Variants in MGAT4D observed in about 807,000 individuals in gnomAD.
MGAT4D encodes the protein MGAT4 family member D.
A neutral mutation model predicts 15.9 loss-of-function variants in MGAT4D; 34 were observed. The observed-to-expected ratio is 2.14, with a 90% CI of 1.62 to 2.84. The LOEUF (loss-of-function observed/expected upper bound fraction) is 2.84, where lower values mean the gene tolerates loss of function less well. Among genes scored for constraint, MGAT4D ranks in the 30% most tolerant of loss-of-function variants. MGAT4D has a pLI of 0.00. For synonymous variants in MGAT4D, 112 were observed against 48.2 expected (o/e 2.33, Z -5.49); for missense variants, 327 against 140.2 (o/e 2.33, Z -6.73).
intron 1 of MGAT4D, among the ~76,000 whole-genome samples, chr4:140,493,359 G>A (rs190561304): frequency 9.5e-5 from 14 of 146,866 alleles, no homozygotes; most frequent in Admixed American, 1.4e-4. Flanking sequence ...GCAGTGGTGC[G>A]ATCTCGGCTT....
chr4:140,493,428 T>C (rs1399710679), intron 1 of MGAT4D, among the ~76,000 whole-genome samples: 1 of 151,818 alleles, frequency 6.6e-6, no homozygotes, highest in Non-Finnish European at 1.5e-5. Flanking sequence ...CCCCAGTAGC[T>C]GGGACTACAG....
intron 5 of MGAT4D, among the ~76,000 whole-genome samples, chr4:140,467,124 T>C (rs1302498039): frequency 6.6e-6 from 1 of 152,032 alleles, no homozygotes; most frequent in Non-Finnish European, 1.5e-5. Flanking sequence ...GGTGGGAGCA[T>C]AAGTGGAGGA....
Position 140,459,583 on chromosome 4 carries a change from A to AT in MGAT4D, c.805dup (p.Ile269AsnfsTer7). On this transcript the variant is annotated frameshift_variant, in exon 8 of 11. Transcript: ENST00000511113. LOFTEE classifies it high-confidence loss of function. ...ACTGATATTACCTACAAAATCTGTTATTTTTGTAAAGTACATCTCTTTAGC... is the reference window on the plus strand; with the variant it reads ...ACTGATATTACCTACAAAATCTGTTATTTTTTGTAAAGTACATCTCTTTAGC... 3.7e-6 allele frequency: 2 copies of AT among 534,556 alleles called. No homozygotes were observed. Among genetic ancestry groups the AT allele is most frequent in the Non-Finnish European group, 6.6e-6 (2 of 302,502 alleles). 33.1% of individuals were successfully genotyped at this position (534,556 alleles called of 1,614,324 possible).
intron 6 of MGAT4D, chr4:140,462,711 A>G (rs912982674): frequency 6.6e-6 from 1 of 152,202 alleles, no homozygotes; most frequent in Non-Finnish European, 1.5e-5. Context: ...ACTACTCTCC[A>G]GCGGATTGAT....
At chr4:140,452,156 A>C (rs926984602) in intron 9 of MGAT4D, among the ~76,000 whole-genome samples, 1 of 152,084 alleles carries the variant, frequency 6.6e-6, no homozygotes, top group Non-Finnish European at 1.5e-5. Context: ...CAATATAGTG[A>C]GACTCCATTT....
At chr4:140,467,097 T>C (rs908370861) in intron 5 of MGAT4D, among the ~76,000 whole-genome samples, 4 of 152,106 alleles carry the variant, frequency 2.6e-5, no homozygotes, top group Non-Finnish European at 4.4e-5. Context: ...GTGGAAAAGT[T>C]TTTGGTCATT....
chr4:140,466,570 A>G (rs1731545651), intron 5 of MGAT4D, among the ~76,000 whole-genome samples: 1 of 152,196 alleles, frequency 6.6e-6, no homozygotes, highest in African/African-American at 2.4e-5. Context: ...TTAATACTCA[A>G]TAATTTTAAT....
intron 7 of MGAT4D, 75 bp downstream of exon 7, chr4:140,461,854 A>G (rs918537505): frequency 2.1e-6 from 1 of 472,076 alleles, no homozygotes; most frequent in Non-Finnish European, 3.8e-6. Flanking sequence ...TTTAAATTAT[A>G]TCTATCTACA....
intron 10 of MGAT4D, among the ~76,000 whole-genome samples, chr4:140,446,353 G>T (rs1730121154): frequency 6.6e-6 from 1 of 152,042 alleles, no homozygotes; most frequent in African/African-American, 2.4e-5. Flanking sequence ...GGAGTTTGTT[G>T]TTGGTCTATT....
Position 140,491,370 on chromosome 4 carries a change from C to T in MGAT4D, c.94+6759G>A, listed in dbSNP as rs118086085. Among the ~76,000 whole-genome samples the T allele has an allele frequency of 7.7e-3, 1,169 of 152,144 alleles. 2 individuals carry two copies. Among genetic ancestry groups the T allele is most frequent in the Non-Finnish European group, 0.01 (701 of 68,002 alleles). ...TCCCCAAGAAATAAAGTTGGGTGCT[C>T]TAGAATGAGCCCTCTCCTCACCAAT... On this transcript the variant is annotated intron_variant, in intron 1 of 10. Coordinates refer to ENST00000511113, the MANE Select transcript of MGAT4D (RefSeq NM_001277353.2).
rs1731982843 is a variant in MGAT4D at position 140,471,810 on chromosome 4, ATCT to A, written c.534_536del (p.Glu178del). 4.0e-6 allele frequency: 2 copies of A among 494,642 alleles called. No homozygotes were observed. The highest frequency in any genetic ancestry group is 2.3e-5 in the South Asian group (1 of 42,614). The allele number at this position is 494,642 out of a possible 1,614,324, so 30.6% of individuals were successfully genotyped here. ...TCATTTTAACAACAGAATGTAAATA[ATCT>A]TCATTACTCTAAAAATGAGAAAAAT... On this transcript the variant is annotated inframe_deletion, in exon 5 of 11. Coordinates refer to ENST00000511113, the MANE Select transcript of MGAT4D (RefSeq NM_001277353.2).
chr4:140,455,012 T>G (rs1730708408), intron 9 of MGAT4D, among the ~76,000 whole-genome samples: 1 of 152,150 alleles, frequency 6.6e-6, no homozygotes, highest in African/African-American at 2.4e-5. Context: ...TTATTGCTCT[T>G]TTTAAAAAAT....
intron 7 of MGAT4D, among the ~76,000 whole-genome samples, chr4:140,460,727 C>A (rs1175345369): frequency 6.6e-6 from 1 of 152,130 alleles, no homozygotes. Context: ...GTCCCAGCTA[C>A]TTGAGGCTTC....
At chr4:140,455,207 T>C (rs1268712879) in intron 9 of MGAT4D, among the ~76,000 whole-genome samples, 3 of 152,162 alleles carry the variant, frequency 2.0e-5, no homozygotes, top group Non-Finnish European at 4.4e-5. Context: ...AAGATATAGA[T>C]TTAAGTCTAT....
At chr4:140,489,878 T>G (rs1733392091) in intron 1 of MGAT4D, among the ~76,000 whole-genome samples, 1 of 152,194 alleles carries the variant, frequency 6.6e-6, no homozygotes, top group African/African-American at 2.4e-5. Flanking sequence ...TTAAAATATT[T>G]AACAACATAT....
intron 3 of MGAT4D, among the ~76,000 whole-genome samples, chr4:140,476,340 T>C (rs1024704621): frequency 6.6e-6 from 1 of 152,236 alleles, no homozygotes; most frequent in African/African-American, 2.4e-5. Context: ...TGTAATGTAG[T>C]GCAATTTGTC....
chr4:140,484,471 C>T (rs540387315), intron 1 of MGAT4D, among the ~76,000 whole-genome samples: 9 of 152,110 alleles, frequency 5.9e-5, no homozygotes, highest in Non-Finnish European at 1.3e-4. Context: ...AGGCTCCTTA[C>T]CTTCAGGACA....
chr4:140,459,276 A>G (rs1004916475), intron 8 of MGAT4D: 2 of 220,052 alleles, frequency 9.1e-6, no homozygotes, highest in Non-Finnish European at 1.8e-5. Context: ...TTATGTTTCT[A>G]TGACTTATGT....
chr4:140,449,676 C>G (rs757711495), intron 10 of MGAT4D, among the ~76,000 whole-genome samples: 1 of 152,082 alleles, frequency 6.6e-6, no homozygotes, highest in South Asian at 2.1e-4. Flanking sequence ...AGGAGAATGG[C>G]GTGAACCTGG....
Sources: allele counts gnomAD v4.1 joint callset (sites outside exome capture counted in the v4.1 genomes callset), GRCh38; gene constraint gnomAD v4.1.1; transcripts MANE v1.5; gene names NCBI Gene and HGNC (gene_info 2026-07-23, HGNC 2026-07-21).